The following CD4 variants were observed in gnomAD, a reference collection of about 807,000 sequenced individuals.
CD4 encodes T-cell surface glycoprotein CD4.
A neutral mutation model predicts 50.5 loss-of-function variants in CD4; 25 were observed. The observed-to-expected ratio is 0.49, with a 90% CI of 0.36 to 0.69. The LOEUF is 0.69. Ranked by LOEUF, CD4 falls within the 30% of genes least tolerant of loss-of-function variation. The pLI is 0.00. For synonymous variants in CD4, 207 were observed against 221.9 expected (o/e 0.93, Z 0.60); for missense variants, 456 against 548.5 (o/e 0.83, Z 1.68).
intron 3 of CD4, among the ~76,000 whole-genome samples, chr12:6,804,196 C>A (rs1264201473): frequency 6.6e-6 from 1 of 150,574 alleles, no homozygotes; most frequent in Admixed American, 6.6e-5. Flanking sequence ...ACACACAATG[C>A]AAAAGACCCA....
At position 6,817,186 on chromosome 12, in the gene CD4, C is replaced by G. The variant is rs782550310; in HGVS notation, c.1012C>G (p.Leu338Val). 6.2e-6 allele frequency: 10 copies of G among 1,614,090 alleles called. No homozygotes were observed. Among genetic ancestry groups the G allele is most frequent in the Non-Finnish European group, 8.5e-6 (10 of 1,179,962 alleles). ...CEVWGPTSPK[L>V]MLSLKLENKE... ...GGTGTGGGGACCCACCTCCCCTAAG[C>G]TGATGCTGAGTTTGAAACTGGAGAA... The change falls in exon 7 of 10, where the codon CTG becomes GTG. Residue 338 changes from leucine (L) to valine (V), a missense_variant. By Grantham distance (32) the Leu-to-Val change is conservative. Transcript: ENST00000011653.
rs374393166 is a variant in CD4, at chr12:6,792,991, C to T, written c.-68+3329C>T. On this transcript the variant is annotated intron_variant, in intron 1 of 9. Coordinates refer to ENST00000011653, the MANE Select transcript of CD4 (RefSeq NM_000616.5). The surrounding 1 kb of genome is among the most constrained non-coding windows in gnomAD (Gnocchi z 4.1). The stretch of plus-strand genomic sequence containing the variant: ...AGAGAGACAGAAAGAGAGAGAGAGA[C>T]GTGCCAGGGCTTGAGGGACCAGAGA... 3.4e-4 allele frequency among the ~76,000 whole-genome samples: 51 copies of T among 151,946 alleles called. No individual in the cohort carries two copies. The highest frequency in any genetic ancestry group is 1.2e-3 in the African/African-American group (48 of 41,432).
At chr12:6,798,644 C>A (rs1555114716) in intron 1 of CD4, among the ~76,000 whole-genome samples, 3 of 152,160 alleles carry the variant, frequency 2.0e-5, no homozygotes, top group African/African-American at 7.2e-5. Context: ...TCTACATAGA[C>A]ACAGTAACAA....
At chr12:6,793,394 C>G (rs1254514797) in intron 1 of CD4, among the ~76,000 whole-genome samples, 1 of 152,116 alleles carries the variant, frequency 6.6e-6, no homozygotes, top group African/African-American at 2.4e-5. Flanking sequence ...GAGACTTCCC[C>G]TCTTTCATCC....
intron 1 of CD4, among the ~76,000 whole-genome samples, chr12:6,793,697 TATC>T (rs1469223549): frequency 1.7e-5 from 1 of 57,178 alleles, no homozygotes; most frequent in Non-Finnish European, 3.5e-5. Context: ...TCTATCTATC[TATC>T]TATCTTTTTT....
At position 6,818,328 on chromosome 12, in the gene CD4, C is replaced by A; in HGVS notation, c.1157-93C>A. The A allele has an allele frequency of 8.5e-5, 124 of 1,462,676 alleles. No homozygotes were observed. The highest frequency in any genetic ancestry group is 8.8e-5 in the Non-Finnish European group (95 of 1,075,182). 90.6% of individuals were successfully genotyped at this position (1,462,676 alleles called of 1,614,324 possible). A position where few individuals can be genotyped will look rare whatever the true frequency, so the allele number is the denominator to read the frequency against. On this transcript the variant is annotated intron_variant, in intron 7 of 9. Coordinates refer to ENST00000011653, the MANE Select transcript of CD4 (RefSeq NM_000616.5). The surrounding 1 kb of genome is among the most constrained non-coding windows in gnomAD (Gnocchi z 5.0). Reference sequence around the variant, plus strand: ...CCTCTCCCCCAACCCCAGGGTCAAACCAGAGACTGGCCAGGAGGGATTGCA... The same window carrying A: ...CCTCTCCCCCAACCCCAGGGTCAAAACAGAGACTGGCCAGGAGGGATTGCA...
At chr12:6,814,639 G>T in intron 4 of CD4, 120 bp from the exon 5 acceptor site, 1 of 836,772 alleles carries the variant, frequency 1.2e-6, no homozygotes, top group Non-Finnish European at 2.1e-6. Flanking sequence ...GCGCAGCTGG[G>T]TGCTGGGAGG....
At chr12:6,811,808 G>A (rs915150919) in intron 3 of CD4, among the ~76,000 whole-genome samples, 23 of 150,860 alleles carry the variant, frequency 1.5e-4, no homozygotes, top group African/African-American at 5.1e-4. Flanking sequence ...ACCGCACCCG[G>A]CCAAAAATTT....
At position 6,800,251 on chromosome 12, in the gene CD4, G is replaced by A. The variant is rs984481164; in HGVS notation, c.50-56G>A. 5 of 1,612,106 alleles carry A rather than the reference G, an allele frequency of 3.1e-6. No individual in the cohort carries two copies. The South Asian group carries it at 5.5e-5, about 18-fold the overall frequency. On this transcript the variant is annotated intron_variant, in intron 2 of 9. Transcript: ENST00000011653. ...GGGAGGAAAGGCAAAGGTGGAGGAT[G>A]GGGTAGAGGGGGACAGCGGCGACAT...
intron 1 of CD4, among the ~76,000 whole-genome samples, chr12:6,793,999 T>TATCTATCTATC (rs1208891884): frequency 2.6e-5 from 4 of 151,732 alleles, no homozygotes; most frequent in Non-Finnish European, 2.9e-5. Context: ...TCTATCTATC[T>TATCTATCTATC]ATCTATCACC....
At chr12:6,802,949 G>T (rs370614758) in intron 3 of CD4, among the ~76,000 whole-genome samples, 37 of 150,982 alleles carry the variant, frequency 2.5e-4, no homozygotes, top group African/African-American at 8.5e-4. Context: ...CTAGCAGGAT[G>T]GTCTCAATCT....
chr12:6,798,005 C>T (rs1026372748), intron 1 of CD4, among the ~76,000 whole-genome samples: 4 of 151,976 alleles, frequency 2.6e-5, no homozygotes, highest in Admixed American at 6.6e-5. Flanking sequence ...CTTTCCCTTC[C>T]CATGAGGCCA....
At chr12:6,797,965 T>C (rs1264152124) in intron 1 of CD4, among the ~76,000 whole-genome samples, 4 of 151,996 alleles carry the variant, frequency 2.6e-5, no homozygotes, top group African/African-American at 4.8e-5. Context: ...ACAGACCCTT[T>C]ACGGGTGTCG....
At position 6,817,299 on chromosome 12, in the gene CD4, G is replaced by C. The variant is rs782556070; in HGVS notation, c.1125G>C (p.Ser375=). Residue 375 remains serine, a synonymous_variant, in exon 7 of 10, where the codon TCG becomes TCC. Transcript: ENST00000011653. ...AGMWQCLLSD[S]GQVLLESNIK... ...TGTGGCAGTGTCTGCTGAGTGACTC[G>C]GGACAGGTCCTGCTGGAATCCAACA... The C allele has an allele frequency of 6.4e-7, 1 of 1,566,804 alleles. No homozygotes were observed. The highest frequency in any genetic ancestry group is 8.7e-7 in the Non-Finnish European group (1 of 1,154,514).
intron 3 of CD4, among the ~76,000 whole-genome samples, chr12:6,802,208 T>C (rs1261605298): frequency 6.6e-6 from 1 of 152,090 alleles, no homozygotes; most frequent in East Asian, 1.9e-4. Flanking sequence ...ATATGCTCAT[T>C]ACAAAATATT....
Position 6,816,425 on chromosome 12 carries a change from G to T in CD4, c.955+22G>T, listed in dbSNP as rs1047133714. ...AGAGGTGAGGGGCCAGGCCAGGGAG[G>T]GGTGGGCAGGGGAAGGAGTTGGAGG... On this transcript the variant is annotated intron_variant, in intron 6 of 9. Coordinates refer to ENST00000011653, the MANE Select transcript of CD4 (RefSeq NM_000616.5). This position sits in a 1 kb window ranked among gnomAD's most constrained non-coding sequence, Gnocchi z 4.9. 9 of 1,571,480 alleles carry T rather than the reference G, an allele frequency of 5.7e-6. No individual in the cohort carries two copies. The highest frequency in any genetic ancestry group is 6.9e-6 in the Non-Finnish European group (8 of 1,152,604).
At chr12:6,802,452 G>C (rs1245322263) in intron 3 of CD4, among the ~76,000 whole-genome samples, 1 of 151,468 alleles carries the variant, frequency 6.6e-6, no homozygotes, top group Admixed American at 6.6e-5. Flanking sequence ...GGGACTACAG[G>C]TGCACGCCAC....
At chr12:6,804,422 T>C (rs781876670) in intron 3 of CD4, among the ~76,000 whole-genome samples, 8 of 152,304 alleles carry the variant, frequency 5.3e-5, no homozygotes, top group African/African-American at 1.9e-4. Context: ...CATGATTACA[T>C]AGAAAATCTC....
chr12:6,806,384 G>T (rs1397404309), intron 3 of CD4, among the ~76,000 whole-genome samples: 4 of 152,002 alleles, frequency 2.6e-5, no homozygotes, highest in Non-Finnish European at 4.4e-5. Flanking sequence ...GACACAGGAG[G>T]CTGAGGTGGG....
Sources: allele counts gnomAD v4.1 joint callset (sites outside exome capture counted in the v4.1 genomes callset), GRCh38; gene constraint gnomAD v4.1.1; non-coding constraint Gnocchi (gnomAD v3.1); transcripts MANE v1.5; gene names NCBI Gene and HGNC (gene_info 2026-07-23, HGNC 2026-07-21).